KCNQ3: variants seen among roughly 807,000 people sequenced by gnomAD.
The protein encoded by KCNQ3 is potassium voltage-gated channel subfamily Q member 3.
Under a neutral mutation model 92.5 loss-of-function variants are expected in KCNQ3, and 30 were observed. The ratio of observed to expected loss-of-function variants is 0.32; its 90% confidence interval spans 0.24 to 0.44. KCNQ3 has a LOEUF of 0.44. Among genes scored for constraint, KCNQ3 ranks in the 20% least tolerant of loss-of-function variants. The pLI is 1.00. For synonymous variants in KCNQ3, 450 were observed against 468.8 expected (o/e 0.96, Z 0.52); for missense variants, 913 against 1,140.3 (o/e 0.80, Z 2.87).
intron 1 of KCNQ3, among the ~76,000 whole-genome samples, chr8:132,210,147 T>C (rs1410296691): frequency 6.6e-6 from 1 of 152,208 alleles, no homozygotes; most frequent in Admixed American, 6.5e-5. Context: ...AATCCACACA[T>C]CTTCTAATGT....
At chr8:132,132,140 TCA>T (rs1189726189) in intron 14 of KCNQ3, 38 bp downstream of exon 14, 3 of 1,228,172 alleles carry the variant, frequency 2.4e-6, no homozygotes, top group Non-Finnish European at 3.6e-6. Flanking sequence ...AAAATAAATG[TCA>T]CAGATCCAGT....
At position 132,290,726 on chromosome 8, in the gene KCNQ3, A is replaced by C. The variant is rs73710511; in HGVS notation, c.387-104545T>G. Among the ~76,000 whole-genome samples the C allele has an allele frequency of 8.2e-3, 1,245 of 152,334 alleles. 16 individuals carry two copies. The highest frequency in any genetic ancestry group is 0.029 in the African/African-American group (1,198 of 41,578). On this transcript the variant is annotated intron_variant, in intron 1 of 14. Coordinates refer to ENST00000388996, the MANE Select transcript of KCNQ3 (RefSeq NM_004519.4). ...GGAAGTGCCACCATGCTGAGTTAGA[A>C]AACACCGGAACAGGATGAGATTTTT...
intron 1 of KCNQ3, among the ~76,000 whole-genome samples, chr8:132,433,988 C>A (rs1173953439): frequency 6.6e-6 from 1 of 152,022 alleles, no homozygotes; most frequent in Non-Finnish European, 1.5e-5. Context: ...GCGGGCGGAT[C>A]ACGAGGTCAG....
chr8:132,141,231 C>G lies in KCNQ3; in HGVS notation c.1363G>C (p.Glu455Gln), dbSNP rs1338855011. 5.6e-6 allele frequency: 9 copies of G among 1,614,052 alleles called. No homozygotes were observed. In the Admixed American group the frequency reaches 1.2e-4, roughly 21 times the overall value. Residue 455 changes from glutamate to glutamine, a missense_variant, in exon 10 of 15, where the codon GAA becomes CAA. Physicochemically the swap from Glu to Gln is conservative, Grantham distance 29. This residue lies in a region of KCNQ3 where 182 missense variants were observed against 234.5 expected (regional missense o/e 0.78). Transcript: ENST00000388996. ...GGCTTTGGTTCTTTAGAAGGACTTT[C>G]TTCTATGGCATCTACATTCAGAGGG... ...FTPLNVDAIE[E>Q]SPSKEPKPVG...
chr8:132,129,281 G>A lies in KCNQ3; in HGVS notation c.2600C>T (p.Pro867Leu), dbSNP rs1824772642. 2 of 1,612,950 alleles carry A rather than the reference G, an allele frequency of 1.2e-6. No individual in the cohort carries two copies. Among genetic ancestry groups the A allele is most frequent in the Non-Finnish European group, 1.7e-6 (2 of 1,180,032 alleles). ...GDGISDSVWTPSNKPI is the reference protein window; with the variant it reads ...GDGISDSVWTLSNKPI ...CCTCTTTTAAATGGGCTTATTGGAA[G>A]GGGTCCATACTGAATCAGAAATCCC... The change falls in exon 15 of 15, where the codon CCT becomes CTT. Residue 867 changes from proline to leucine, a missense_variant. Transcript: ENST00000388996. This position sits in a 1 kb window ranked among gnomAD's most constrained non-coding sequence, Gnocchi z 5.9.
chr8:132,329,155 C>G (rs548744573), intron 1 of KCNQ3, among the ~76,000 whole-genome samples: 6 of 152,156 alleles, frequency 3.9e-5, no homozygotes, highest in Non-Finnish European at 8.8e-5. Context: ...TAGCAGGTAA[C>G]GCCGGGAGAT....
chr8:132,272,785 G>A (rs1816193332), intron 1 of KCNQ3, among the ~76,000 whole-genome samples: 1 of 152,098 alleles, frequency 6.6e-6, no homozygotes, highest in African/African-American at 2.4e-5. Context: ...GGAATTGTGG[G>A]AGTTAAAATT....
At position 132,293,281 on chromosome 8, in the gene KCNQ3, G is replaced by A. The variant is rs527675010; in HGVS notation, c.387-107100C>T. On this transcript the variant is annotated intron_variant, in intron 1 of 14. Transcript: ENST00000388996. Reference sequence around the variant, plus strand: ...GGGAACCCCAACTGGCAACTGCTTGGTCAGAAGTTCTAGAGGTCTGAACTT... The same window carrying A: ...GGGAACCCCAACTGGCAACTGCTTGATCAGAAGTTCTAGAGGTCTGAACTT... Among the ~76,000 whole-genome samples, 293 of 152,300 alleles carry A rather than the reference G, an allele frequency of 1.9e-3. 1 individual carries two copies. The highest frequency in any genetic ancestry group is 9.1e-4 in the Non-Finnish European group (62 of 68,020).
chr8:132,175,988 G>A (rs979448397), intron 4 of KCNQ3, among the ~76,000 whole-genome samples: 1 of 152,136 alleles, frequency 6.6e-6, no homozygotes, highest in Non-Finnish European at 1.5e-5. Context: ...CAAGGAGAAA[G>A]CTCGGTACAA....
At chr8:132,287,550 A>G (rs1051765829) in intron 1 of KCNQ3, among the ~76,000 whole-genome samples, 3 of 152,254 alleles carry the variant, frequency 2.0e-5, no homozygotes, top group African/African-American at 7.2e-5. Context: ...GATATACAAA[A>G]TGTAGTCTCT....
intron 2 of KCNQ3, 52 bp from the exon 3 acceptor site, chr8:132,184,419 G>A (rs941690678): frequency 5.6e-6 from 9 of 1,606,826 alleles, no homozygotes; most frequent in African/African-American, 1.3e-5. Context: ...TCCACTTGTC[G>A]GGAGCTGGTG....
intron 1 of KCNQ3, among the ~76,000 whole-genome samples, chr8:132,344,138 TC>T (rs1160782106): frequency 6.6e-6 from 1 of 152,176 alleles, no homozygotes; most frequent in East Asian, 1.9e-4. Context: ...AAAGGGATTC[TC>T]CCATAATACA....
At chr8:132,209,637 A>G (rs1207608600) in intron 1 of KCNQ3, among the ~76,000 whole-genome samples, 1 of 152,170 alleles carries the variant, frequency 6.6e-6, no homozygotes, top group African/African-American at 2.4e-5. Flanking sequence ...TGAAAGTGAT[A>G]TGCATTCAGT....
chr8:132,298,512 GA>G (rs1186416094), intron 1 of KCNQ3, among the ~76,000 whole-genome samples: 1 of 152,132 alleles, frequency 6.6e-6, no homozygotes, highest in Non-Finnish European at 1.5e-5. Flanking sequence ...AGAGAACTGT[GA>G]ATGCTTAATT....
rs1554621165 is a variant in KCNQ3 at position 132,128,607 on chromosome 8, T to TTTTTTTTTTTTTG, written c.*654_*655insCAAAAAAAAAAAA. Reference sequence around the variant, plus strand: ...TACACTTGGGATTACCACCACTTTTTACAGATAAGGAAACTGAGGCATGAT... The same window carrying TTTTTTTTTTTTTG: ...TACACTTGGGATTACCACCACTTTTTTTTTTTTTTTTTGACAGATAAGGAAACTGAGGCATGAT... On this transcript the variant is annotated 3_prime_UTR_variant, in exon 15 of 15. Coordinates refer to ENST00000388996, the MANE Select transcript of KCNQ3 (RefSeq NM_004519.4). 6.5e-6 allele frequency: 1 copy of TTTTTTTTTTTTTG among 153,346 alleles called. No individual in the cohort carries two copies. The highest frequency in any genetic ancestry group is 1.4e-5 in the Non-Finnish European group (1 of 68,984). The allele number at this position is 153,346 out of a possible 1,614,324, so 9.5% of individuals were successfully genotyped here. A position where few individuals can be genotyped will look rare whatever the true frequency, so the allele number is the denominator to read the frequency against.
chr8:132,199,023 G>A (rs892995076), intron 1 of KCNQ3, among the ~76,000 whole-genome samples: 2 of 152,048 alleles, frequency 1.3e-5, no homozygotes, highest in Non-Finnish European at 2.9e-5. Flanking sequence ...GTCAGTCTCT[G>A]CCTCACCATC....
chr8:132,131,430 T>G (rs559871885), intron 14 of KCNQ3, among the ~76,000 whole-genome samples: 6 of 152,340 alleles, frequency 3.9e-5, no homozygotes, highest in African/African-American at 1.4e-4. Flanking sequence ...GGATCTCACC[T>G]GTGCCTGCCC....
intron 8 of KCNQ3, among the ~76,000 whole-genome samples, chr8:132,165,289 T>A (rs1826112064): frequency 6.6e-6 from 1 of 152,226 alleles, no homozygotes. Flanking sequence ...ACTACCCTTA[T>A]GATAGGAAAG....
intron 1 of KCNQ3, among the ~76,000 whole-genome samples, chr8:132,282,818 G>C (rs759020346): frequency 4.6e-5 from 7 of 152,198 alleles, no homozygotes; most frequent in Non-Finnish European, 1.0e-4. Context: ...CCCTCCTGAT[G>C]GGGAAACCTG....
Sources: allele counts gnomAD v4.1 joint callset (sites outside exome capture counted in the v4.1 genomes callset), GRCh38; gene constraint gnomAD v4.1.1; regional missense constraint gnomAD v4.1.1; non-coding constraint Gnocchi (gnomAD v3.1); transcripts MANE v1.5; gene names NCBI Gene and HGNC (gene_info 2026-07-23, HGNC 2026-07-21).